NOS1: variants seen among roughly 807,000 people sequenced by gnomAD.
The protein encoded by NOS1 is nitric oxide synthase 1.
Under a neutral mutation model 164.5 loss-of-function variants are expected in NOS1, and 51 were observed. The observed-to-expected ratio is 0.31, with a 90% CI of 0.25 to 0.39. The LOEUF is 0.39. NOS1 is among the 10% of genes least tolerant of loss of function. The probability of loss-of-function intolerance (pLI) is 1.00; values close to 1 mark genes in which losing one functional copy is unlikely to be tolerated. For missense variants in NOS1, 1,362 were observed against 1,885.6 expected (o/e 0.72, Z 5.14); for synonymous variants, 719 against 745.8 (o/e 0.96, Z 0.59).
intron 10 of NOS1, 142 bp from the exon 11 acceptor site, chr12:117,268,286 A>G (rs2135991813): frequency 1.6e-6 from 1 of 640,656 alleles, no homozygotes; most frequent in East Asian, 3.0e-5. Context: ...GCTGGAGTGC[A>G]GTGGTGTGAT....
intron 20 of NOS1, among the ~76,000 whole-genome samples, chr12:117,242,045 T>C (rs1334221142): frequency 6.6e-6 from 1 of 152,216 alleles, no homozygotes; most frequent in Non-Finnish European, 1.5e-5. Flanking sequence ...AATAAACTTA[T>C]TTTAGGTGTC....
chr12:117,218,224 G>A (rs1956642048), intron 27 of NOS1, 60 bp from the exon 28 acceptor site: 4 of 1,251,112 alleles, frequency 3.2e-6, no homozygotes, highest in Middle Eastern at 1.9e-4. Context: ...CTTGGAGCAG[G>A]GGCAGACTTG....
intron 28 of NOS1, among the ~76,000 whole-genome samples, chr12:117,216,464 G>A (rs940710470): frequency 6.6e-6 from 1 of 152,008 alleles, no homozygotes; most frequent in African/African-American, 2.4e-5. Flanking sequence ...TTACAGGGGT[G>A]AGCCATCGCG....
rs2136074597 is a variant in NOS1, at chr12:117,330,535, C to A, written c.535G>T (p.Ala179Ser). 6.2e-7 allele frequency: 1 copy of A among 1,613,844 alleles called. No individual in the cohort carries two copies. Among genetic ancestry groups the A allele is most frequent in the Non-Finnish European group, 8.5e-7 (1 of 1,180,004 alleles). The stretch of plus-strand genomic sequence containing the variant: ...GGGTCCTGGCCTGGGGGCCTGGGGG[C>A]CAGGCCGTTGGCATGGGGGAGTGAG... ...AGSLPHANGL[A>S]PRPPGQDPAK... Residue 179 changes from alanine to serine, a missense_variant, in exon 2 of 29, where the codon GCC (alanine) becomes TCC (serine). This residue lies in a region of NOS1 where 362 missense variants were observed against 402.0 expected (regional missense o/e 0.90). Transcript: ENST00000317775. This position sits in a 1 kb window ranked among gnomAD's most constrained non-coding sequence, Gnocchi z 4.6.
At chr12:117,225,793 T>A (rs1408487502) in intron 24 of NOS1, among the ~76,000 whole-genome samples, 1 of 151,434 alleles carries the variant, frequency 6.6e-6, no homozygotes, top group Non-Finnish European at 1.5e-5. Context: ...CCTCGGCTAC[T>A]TTTTTTTTGT....
At position 117,212,516 on chromosome 12, in the gene NOS1, A is replaced by C. The variant is rs772695267; in HGVS notation, c.*2793T>G. On this transcript the variant is annotated 3_prime_UTR_variant, in exon 29 of 29. Transcript: ENST00000317775. ...GACACAAGCTGTGGGAACTGGATGCATAGTGATGGCAGGTGAGCATGATGT... is the reference window on the plus strand; with the variant it reads ...GACACAAGCTGTGGGAACTGGATGCCTAGTGATGGCAGGTGAGCATGATGT... The C allele has an allele frequency of 9.1e-6, 9 of 985,300 alleles. No homozygotes were observed. The highest frequency in any genetic ancestry group is 1.1e-5 in the Non-Finnish European group (9 of 829,938). The allele number at this position is 985,300 out of a possible 1,614,324, so 61.0% of individuals were successfully genotyped here. A position where few individuals can be genotyped will look rare whatever the true frequency, so the allele number is the denominator to read the frequency against.
At chr12:117,221,130 TTTTATTTATTTA>T (rs200373619) in intron 26 of NOS1, among the ~76,000 whole-genome samples, 32 of 146,116 alleles carry the variant, frequency 2.2e-4, no homozygotes, top group African/African-American at 5.9e-4. Context: ...TTAAATTTAT[TTTTATTTATTTA>T]TTTATTTATT....
chr12:117,269,446 C>A (rs1872647018), intron 10 of NOS1, among the ~76,000 whole-genome samples: 1 of 138,486 alleles, frequency 7.2e-6, no homozygotes. Flanking sequence ...GCCCAGGGGG[C>A]AGGATCTCTG....
intron 12 of NOS1, 113 bp downstream of exon 12, chr12:117,265,203 C>A: frequency 1.1e-6 from 1 of 897,884 alleles, no homozygotes. Context: ...CCACCAGCCA[C>A]ATGTGGCTAT....
chr12:117,359,879 TATATATATATATA>T (rs1877043876), intron 1 of NOS1, among the ~76,000 whole-genome samples: 4 of 24,070 alleles, frequency 1.7e-4, no homozygotes, highest in East Asian at 1.0e-3. Flanking sequence ...AATGGTTTTA[TATATATATATATA>T]TATATATATA....
intron 20 of NOS1, among the ~76,000 whole-genome samples, chr12:117,239,763 ATAGG>A (rs1029155059): frequency 4.2e-4 from 64 of 152,130 alleles, no homozygotes; most frequent in African/African-American, 1.5e-3. Context: ...AAGCTTGAAA[ATAGG>A]TAGTGCTTTT....
intron 1 of NOS1, among the ~76,000 whole-genome samples, chr12:117,333,614 T>C (rs1024201173): frequency 1.3e-5 from 2 of 152,134 alleles, no homozygotes; most frequent in Non-Finnish European, 2.9e-5. Context: ...CCCCTCTGTG[T>C]GGGTGAGGAA....
chr12:117,262,392 G>T (rs192371765), intron 13 of NOS1, among the ~76,000 whole-genome samples: 3 of 139,530 alleles, frequency 2.2e-5, no homozygotes, highest in Non-Finnish European at 4.7e-5. Context: ...TGGGGGATGG[G>T]ATTAGGGTGG....
At chr12:117,290,904 C>G (rs1873010248) in intron 3 of NOS1, among the ~76,000 whole-genome samples, 1 of 152,030 alleles carries the variant, frequency 6.6e-6, no homozygotes. Flanking sequence ...ACTGAGAAAA[C>G]AGAAAGATTT....
At chr12:117,339,867 T>C (rs562785860) in intron 1 of NOS1, among the ~76,000 whole-genome samples, 1 of 152,356 alleles carries the variant, frequency 6.6e-6, no homozygotes, top group Admixed American at 6.5e-5. Flanking sequence ...AGCTTGGAGA[T>C]GCACTGAACA....
At chr12:117,312,707 G>A (rs927107350) in intron 2 of NOS1, among the ~76,000 whole-genome samples, 1 of 152,132 alleles carries the variant, frequency 6.6e-6, no homozygotes, top group African/African-American at 2.4e-5. Context: ...ACAGGCGTGA[G>A]CCACTGAACC....
intron 1 of NOS1, among the ~76,000 whole-genome samples, chr12:117,338,145 A>G (rs961113826): frequency 6.6e-6 from 1 of 152,160 alleles, no homozygotes; most frequent in Admixed American, 6.5e-5. Flanking sequence ...TGAACCTGGG[A>G]GGCGGAGGTT....
chr12:117,213,524 G>A lies in NOS1; in HGVS notation c.*1785C>T. 1 of 985,466 alleles carries A rather than the reference G, an allele frequency of 1.0e-6. No homozygotes were observed. Among genetic ancestry groups the A allele is most frequent in the Non-Finnish European group, 1.2e-6 (1 of 829,956 alleles). The allele number at this position is 985,466 out of a possible 1,614,324, so 61.0% of individuals were successfully genotyped here. ...GGGGCTGCCAGGGATGGCAGAGCAA[G>A]GTGAGTCATAGATTGCCTTTTCACT... On this transcript the variant is annotated 3_prime_UTR_variant, in exon 29 of 29. Transcript: ENST00000317775.
rs1477950821 is a variant in NOS1, at chr12:117,290,495, G to A, written c.853-69C>T. 39 of 1,518,824 alleles carry A rather than the reference G, an allele frequency of 2.6e-5. 1 individual carries two copies. The highest frequency in any genetic ancestry group is 3.1e-5 in the Non-Finnish European group (35 of 1,125,536). The allele number at this position is 1,518,824 out of a possible 1,614,324, so 94.1% of individuals were successfully genotyped here. The stretch of plus-strand genomic sequence containing the variant: ...TGGACTGTAACATTGTCTCCACAGA[G>A]GCTGGGAGAGCCATTGTTCTTCCTG... On this transcript the variant is annotated intron_variant, in intron 3 of 28. Transcript: ENST00000317775.
Sources: gnomAD v4.1 joint callset for allele counts (sites outside exome capture counted in the v4.1 genomes callset) on GRCh38, gnomAD v4.1.1 for gene constraint, gnomAD v4.1.1 regional missense constraint, Gnocchi (gnomAD v3.1) non-coding constraint, MANE v1.5 for transcripts, NCBI Gene and HGNC (gene_info 2026-07-23, HGNC 2026-07-21) for gene names.